Variants in MYO18B observed in about 807,000 individuals in gnomAD.
MYO18B encodes the protein myosin XVIIIB, also known as unconventional myosin-XVIIIb.
MYO18B carries 204 observed loss-of-function variants against 273.0 expected under a neutral mutation model. The observed-to-expected ratio is 0.75, with a 90% CI of 0.67 to 0.84. MYO18B has a LOEUF of 0.84. Ranked by LOEUF, MYO18B falls within the 40% of genes least tolerant of loss-of-function variation. The pLI, the probability that MYO18B is intolerant of heterozygous loss-of-function variation, is 0.00. For missense variants in MYO18B, 3,212 were observed against 3,287.6 expected, an observed-to-expected ratio of 0.98 and a Z score of 0.56; for synonymous variants, 1,330 against 1,305.7, an observed-to-expected ratio of 1.02 and a Z score of -0.40.
At chr22:25,919,765 G>A (rs1313147201) in intron 33 of MYO18B, among the ~76,000 whole-genome samples, 3 of 151,870 alleles carry the variant, frequency 2.0e-5, no homozygotes, top group African/African-American at 4.8e-5. Context: ...TATAAAGACC[G>A]TATTCTGAGA....
At chr22:25,745,499 A>ACG (rs1182499856) in intron 1 of MYO18B, among the ~76,000 whole-genome samples, 1 of 150,570 alleles carries the variant, frequency 6.6e-6, no homozygotes, top group African/African-American at 2.5e-5. Flanking sequence ...ACACACACAC[A>ACG]CACGCACACA....
At chr22:25,788,701 C>A (rs923705258) in intron 11 of MYO18B, among the ~76,000 whole-genome samples, 2 of 152,242 alleles carry the variant, frequency 1.3e-5, no homozygotes, top group Non-Finnish European at 2.9e-5. Flanking sequence ...CCAACTTCAT[C>A]CCTGGCTGAG....
rs181569954 is a variant in MYO18B at position 25,785,564 on chromosome 22, G to A, written c.2376+73G>A. ...CTAGATGGGAGGGTGATGAGTCGCC[G>A]TGCAACTTGTCTCTTTTGGTACTGG... On this transcript the variant is annotated intron_variant, in intron 11 of 43. Coordinates refer to ENST00000335473, the MANE Select transcript of MYO18B (RefSeq NM_032608.7). The A allele has an allele frequency of 8.8e-4, 1,306 of 1,477,332 alleles. 4 individuals carry two copies. Among genetic ancestry groups the A allele is most frequent in the African/African-American group, 2.8e-3 (200 of 72,138 alleles). 91.5% of individuals were successfully genotyped at this position (1,477,332 alleles called of 1,614,324 possible). A position where few individuals can be genotyped will look rare whatever the true frequency, so the allele number is the denominator to read the frequency against.
chr22:26,060,923 A>T, the MYO18B span, among the ~76,000 whole-genome samples: 55 of 152,104 alleles, frequency 3.6e-4, 3 homozygotes, highest in Admixed American at 1.8e-3. Flanking sequence ...ACATATACAC[A>T]CATACATTCA....
Position 25,761,102 on chromosome 22 carries a change from T to C in MYO18B, c.10T>C (p.Ser4Pro), listed in dbSNP as rs2086297584. 1.2e-6 allele frequency: 2 copies of C among 1,613,404 alleles called. No homozygotes were observed. Among genetic ancestry groups the C allele is most frequent in the Admixed American group, 1.7e-5 (1 of 59,994 alleles). The stretch of plus-strand genomic sequence containing the variant: ...CTGGCACTGCCTCAGCATGGCCATC[T>C]CATCACGCCTCGCCCTGTGGGAGCA... MAISSRLALWEQKI... is the reference protein window; with the variant it reads MAIPSRLALWEQKI... The change falls in exon 2 of 44, where the codon TCA (serine) becomes CCA (proline). Residue 4 changes from serine (S) to proline (P), a missense_variant. By Grantham distance (74) the Ser-to-Pro change is moderately conservative. Transcript: ENST00000335473.
At chr22:25,827,435 C>G (rs2089535869) in intron 14 of MYO18B, among the ~76,000 whole-genome samples, 1 of 152,142 alleles carries the variant, frequency 6.6e-6, no homozygotes, top group African/African-American at 2.4e-5. Context: ...GCACCAGGAG[C>G]CTCTGTTTTC....
intron 8 of MYO18B, among the ~76,000 whole-genome samples, chr22:25,778,160 A>G (rs1289270465): frequency 1.3e-5 from 2 of 152,122 alleles, no homozygotes; most frequent in African/African-American, 4.8e-5. Flanking sequence ...CAACTTGCGG[A>G]ACTGAACAGA....
chr22:25,880,140 T>C (rs781742829), intron 25 of MYO18B, among the ~76,000 whole-genome samples: 1 of 152,202 alleles, frequency 6.6e-6, no homozygotes, highest in Admixed American at 6.5e-5. Context: ...CCTGCTGTTC[T>C]ATGTAGACTT....
Position 25,948,547 on chromosome 22 carries a change from CCTTT to C in MYO18B, c.5748+722_5748+725del, listed in dbSNP as rs1327114801. On this transcript the variant is annotated intron_variant, in intron 36 of 43. Transcript: ENST00000335473. ...TTCTTTCTTCCTTCCTTCCTTCCTT[CCTTT>C]CTCTTTCTCTTTTTCTTCTTTCCCC... Among the ~76,000 whole-genome samples the C allele has an allele frequency of 3.4e-5, 5 of 148,960 alleles. 1 individual carries two copies. Among genetic ancestry groups the C allele is most frequent in the Non-Finnish European group, 7.4e-5 (5 of 67,322 alleles).
At chr22:25,917,602 T>G (rs116642675) in intron 33 of MYO18B, among the ~76,000 whole-genome samples, 1 of 149,532 alleles carries the variant, frequency 6.7e-6, no homozygotes, top group African/African-American at 2.5e-5. Flanking sequence ...ATGTGTTTTC[T>G]TTAAACAGCT....
At position 25,772,447 on chromosome 22, in the gene MYO18B, C is replaced by T. The variant is rs760158796; in HGVS notation, c.1806C>T (p.Thr602=). The T allele has an allele frequency of 6.2e-7, 1 of 1,614,056 alleles. No individual in the cohort carries two copies. The highest frequency in any genetic ancestry group is 8.5e-7 in the Non-Finnish European group (1 of 1,179,900). The change falls in exon 7 of 44, where the codon ACC becomes ACT. Residue 602 remains threonine, a synonymous_variant. Transcript: ENST00000335473. ...GCTACAAAGCTCAGCTGCTGCACACCTGCACAGGGCCTGATCTGATTGTCC... is the reference window on the plus strand; with the variant it reads ...GCTACAAAGCTCAGCTGCTGCACACTTGCACAGGGCCTGATCTGATTGTCC... ...LQRYKAQLLH[T]CTGPDLIVLQ... is the part of the protein sequence containing the mutation.
At chr22:25,879,006 A>C (rs775788785) in intron 25 of MYO18B, among the ~76,000 whole-genome samples, 1 of 152,268 alleles carries the variant, frequency 6.6e-6, no homozygotes, top group African/African-American at 2.4e-5. Context: ...TATTAACAGA[A>C]CAGTAGGTGA....
chr22:25,952,338 G>A lies in MYO18B; in HGVS notation c.5885G>A (p.Arg1962Gln), dbSNP rs150223674. The A allele has an allele frequency of 1.3e-4, 210 of 1,612,114 alleles. No homozygotes were observed. The highest frequency in any genetic ancestry group is 1.6e-4 in the Non-Finnish European group (193 of 1,179,168). ...TACCTGGAACAGTCCACCGTGGATC[G>A]AGCCATCGTCAGCAGGCAGGAGGCG... ...IEYLEQSTVD[R>Q]AIVSRQEAVI... Residue 1962 changes from arginine (R) to glutamine (Q), a missense_variant, in exon 38 of 44, where the codon CGA becomes CAA. Arg to Gln is a conservative substitution (Grantham distance 43, BLOSUM62 1). Coordinates refer to ENST00000335473, the MANE Select transcript of MYO18B (RefSeq NM_032608.7).
chr22:25,788,286 G>T (rs1323130038), intron 11 of MYO18B, among the ~76,000 whole-genome samples: 1 of 152,194 alleles, frequency 6.6e-6, no homozygotes, highest in Non-Finnish European at 1.5e-5. Context: ...GGGCAGGCCA[G>T]GTACAGCTTC....
chr22:25,967,232 T>C (rs1052289463), intron 39 of MYO18B, among the ~76,000 whole-genome samples: 1 of 152,228 alleles, frequency 6.6e-6, no homozygotes, highest in South Asian at 2.1e-4. Flanking sequence ...GGGAGAGATA[T>C]TGATTGAATA....
At chr22:25,851,261 C>T (rs1310425063) in intron 20 of MYO18B, among the ~76,000 whole-genome samples, 1 of 152,134 alleles carries the variant, frequency 6.6e-6, no homozygotes, top group African/African-American at 2.4e-5. Flanking sequence ...TTCGTGTTCT[C>T]AGGAACACCT....
intron 1 of MYO18B, among the ~76,000 whole-genome samples, chr22:25,753,495 T>C (rs2331156): frequency 0.31 from 47,802 of 152,050 alleles, 7,905 homozygotes; most frequent in South Asian, 0.42. Context: ...GAAAGCAGGC[T>C]GCCAGCACCA....
intron 42 of MYO18B, 110 bp downstream of exon 42, chr22:26,004,965 A>C: frequency 7.1e-7 from 1 of 1,413,600 alleles, no homozygotes; most frequent in Non-Finnish European, 9.7e-7. Context: ...AAAAACAAGC[A>C]TGGTCCTGAA....
chr22:25,863,608 G>T (rs766495866), intron 21 of MYO18B, among the ~76,000 whole-genome samples: 8 of 152,162 alleles, frequency 5.3e-5, no homozygotes, highest in Non-Finnish European at 1.0e-4. Flanking sequence ...GCCTATGTCT[G>T]CATAGCTTAG....
Sources: gnomAD v4.1 joint callset for allele counts (sites outside exome capture counted in the v4.1 genomes callset) on GRCh38, gnomAD v4.1.1 for gene constraint, MANE v1.5 for transcripts, NCBI Gene and HGNC (gene_info 2026-07-23, HGNC 2026-07-21) for gene names.